GRID1: variants seen among roughly 807,000 people sequenced by gnomAD.
GRID1 encodes glutamate receptor ionotropic, delta-1.
A neutral mutation model predicts 98.0 loss-of-function variants in GRID1; 28 were observed. The observed-to-expected ratio is 0.29, with a 90% CI of 0.21 to 0.39. GRID1 has a LOEUF of 0.39. Ranked by LOEUF, GRID1 falls within the 10% of genes least tolerant of loss-of-function variation. The pLI is 1.00. For missense variants in GRID1, 1,111 were observed against 1,340.5 expected, an observed-to-expected ratio of 0.83 and a Z score of 2.67; for synonymous variants, 553 against 538.5, an observed-to-expected ratio of 1.03 and a Z score of -0.37.
intron 8 of GRID1, among the ~76,000 whole-genome samples, chr10:85,767,584 T>A (rs1417747418): frequency 6.6e-6 from 1 of 152,202 alleles, no homozygotes; most frequent in Non-Finnish European, 1.5e-5. Context: ...TTGGGCCTGT[T>A]GTTAATCATT....
At chr10:86,301,124 C>T (rs545914112) in intron 2 of GRID1, among the ~76,000 whole-genome samples, 49 of 152,234 alleles carry the variant, frequency 3.2e-4, no homozygotes, top group Admixed American at 3.9e-4. Context: ...TTTCAGGTGC[C>T]CCCCACCCAC....
intron 4 of GRID1, among the ~76,000 whole-genome samples, chr10:86,108,516 T>G (rs932144617): frequency 6.6e-6 from 1 of 152,174 alleles, no homozygotes; most frequent in African/African-American, 2.4e-5. Context: ...CACATACACA[T>G]GCACACCCAC....
chr10:86,008,093 G>C (rs1190215716), intron 4 of GRID1, among the ~76,000 whole-genome samples: 7 of 152,086 alleles, frequency 4.6e-5, no homozygotes, highest in Non-Finnish European at 1.0e-4. Flanking sequence ...AAGAAAAATT[G>C]CCACCATCTC....
In GRID1 at chr10:85,665,540, A is replaced by G. The variant is rs1461378584; in HGVS notation, c.1998-18143T>C. Among the ~76,000 whole-genome samples the G allele has an allele frequency of 2.0e-5, 3 of 152,162 alleles. No individual in the cohort carries two copies. In the East Asian group the frequency reaches 5.8e-4, roughly 29 times the overall value. On this transcript the variant is annotated intron_variant, in intron 12 of 15. Coordinates refer to ENST00000327946, the MANE Select transcript of GRID1 (RefSeq NM_017551.3). ...GACTCACAGAGTCTGGCCCTGCCAC[A>G]TCTGGCCAGGGACACATGTTTTCAC...
intron 8 of GRID1, among the ~76,000 whole-genome samples, chr10:85,808,957 C>T (rs1842645484): frequency 6.6e-6 from 1 of 151,890 alleles, no homozygotes; most frequent in Non-Finnish European, 1.5e-5. Context: ...AATATTATGT[C>T]TATATTATGC....
chr10:86,115,932 A>G (rs1844570047), intron 4 of GRID1, among the ~76,000 whole-genome samples: 1 of 152,212 alleles, frequency 6.6e-6, no homozygotes, highest in Non-Finnish European at 1.5e-5. Context: ...GTTTAGATAT[A>G]CATATACCAT....
At position 85,794,931 on chromosome 10, in the gene GRID1, T is replaced by C. The variant is rs117706448; in HGVS notation, c.1233+59565A>G. Among the ~76,000 whole-genome samples, 75 of 152,330 alleles carry C rather than the reference T, an allele frequency of 4.9e-4. No homozygotes were observed. In the East Asian group the frequency reaches 0.013, roughly 26 times the overall value. Reference sequence around the variant, plus strand: ...TGGATTACTTACCAACCTCTTGCACTATTTACATAGGTCTCCAGTTGAAAA... The same window carrying C: ...TGGATTACTTACCAACCTCTTGCACCATTTACATAGGTCTCCAGTTGAAAA... On this transcript the variant is annotated intron_variant, in intron 8 of 15. Coordinates refer to ENST00000327946, the MANE Select transcript of GRID1 (RefSeq NM_017551.3).
intron 8 of GRID1, among the ~76,000 whole-genome samples, chr10:85,816,104 TA>T (rs1197291930): frequency 2.0e-5 from 3 of 152,114 alleles, no homozygotes; most frequent in Non-Finnish European, 2.9e-5. Flanking sequence ...GCCACTTTGA[TA>T]AAAAGTTTGG....
chr10:85,824,466 C>G (rs1409297223), intron 8 of GRID1, among the ~76,000 whole-genome samples: 1 of 152,218 alleles, frequency 6.6e-6, no homozygotes, highest in East Asian at 1.9e-4. Context: ...CCCGCCTTGG[C>G]CTCCCAAGGT....
Position 85,771,008 on chromosome 10 carries a change from C to G in GRID1, c.1234-41394G>C, listed in dbSNP as rs529003151. On this transcript the variant is annotated intron_variant, in intron 8 of 15. Coordinates refer to ENST00000327946, the MANE Select transcript of GRID1 (RefSeq NM_017551.3). The stretch of plus-strand genomic sequence containing the variant: ...TACTCCTCGAGAAGAGCAACTCCAA[C>G]ACACATAATTGTCAGATTCACCAAA... 5.7e-3 allele frequency among the ~76,000 whole-genome samples: 872 copies of G among 152,136 alleles called. 7 individuals carry two copies. Among genetic ancestry groups the G allele is most frequent in the African/African-American group, 0.02 (828 of 41,470 alleles).
intron 4 of GRID1, among the ~76,000 whole-genome samples, chr10:85,937,138 A>T (rs150559298): frequency 1.6e-3 from 249 of 152,330 alleles, no homozygotes; most frequent in African/African-American, 5.7e-3. Context: ...CAGCTTCAGA[A>T]AATCCCAGTG....
chr10:86,254,990 C>A (rs1380248774), intron 2 of GRID1, among the ~76,000 whole-genome samples: 1 of 152,192 alleles, frequency 6.6e-6, no homozygotes, highest in Non-Finnish European at 1.5e-5. Context: ...GGGCAAACAA[C>A]TCCAGCCTGA....
At chr10:86,270,683 C>G (rs1000722905) in intron 2 of GRID1, among the ~76,000 whole-genome samples, 5 of 152,080 alleles carry the variant, frequency 3.3e-5, no homozygotes, top group Admixed American at 6.6e-5. Context: ...GAGCGAGACT[C>G]CGTCTCAAAA....
chr10:85,802,885 A>ACC (rs1001998054), intron 8 of GRID1, among the ~76,000 whole-genome samples: 4 of 146,006 alleles, frequency 2.7e-5, no homozygotes, highest in South Asian at 2.2e-4. Context: ...ACACACACAC[A>ACC]CCAAGGAACA....
intron 2 of GRID1, among the ~76,000 whole-genome samples, chr10:86,233,187 G>C (rs985020529): frequency 3.3e-5 from 5 of 152,062 alleles, no homozygotes; most frequent in African/African-American, 4.8e-5. Flanking sequence ...CACCGAGAGA[G>C]GGAAAGCCGT....
At chr10:85,924,689 A>G (rs951867454) in intron 4 of GRID1, among the ~76,000 whole-genome samples, 3 of 152,242 alleles carry the variant, frequency 2.0e-5, no homozygotes, top group Admixed American at 2.0e-4. Context: ...CTGAAAAACT[A>G]TTATGTTGCT....
chr10:85,769,653 T>C (rs1303767523), intron 8 of GRID1, among the ~76,000 whole-genome samples: 1 of 152,136 alleles, frequency 6.6e-6, no homozygotes, highest in African/African-American at 2.4e-5. Context: ...GCTTAAAAAA[T>C]GGCACACCAG....
chr10:85,636,617 A>C (rs574854168), intron 13 of GRID1, among the ~76,000 whole-genome samples: 1 of 152,356 alleles, frequency 6.6e-6, no homozygotes, highest in East Asian at 1.9e-4. Context: ...ATGCATACAC[A>C]AATACCTATG....
intron 4 of GRID1, among the ~76,000 whole-genome samples, chr10:85,947,232 T>A (rs192764966): frequency 2.0e-5 from 3 of 152,324 alleles, no homozygotes; most frequent in Admixed American, 6.5e-5. Flanking sequence ...ACTTCTGAAT[T>A]TGTGGTTTGA....
Sources: allele counts gnomAD v4.1 joint callset (sites outside exome capture counted in the v4.1 genomes callset), GRCh38; gene constraint gnomAD v4.1.1; transcripts MANE v1.5; gene names NCBI Gene and HGNC (gene_info 2026-07-23, HGNC 2026-07-21).